CCDC91: variants seen among roughly 807,000 people sequenced by gnomAD.
CCDC91 encodes coiled-coil domain-containing protein 91.
In CCDC91, 48 loss-of-function variants were observed where a neutral mutation model predicts 63.2. That is an observed-to-expected ratio of 0.76 (90% CI 0.60 to 0.97). CCDC91 has a LOEUF of 0.97. Ranked by LOEUF, CCDC91 falls within the 50% of genes least tolerant of loss-of-function variation. The pLI is 0.00. For synonymous variants in CCDC91, 167 were observed against 165.8 expected (o/e 1.01, Z -0.06); for missense variants, 500 against 494.6 (o/e 1.01, Z -0.10).
intron 12 of CCDC91, among the ~76,000 whole-genome samples, chr12:28,499,498 C>A (rs1469645674): frequency 2.6e-5 from 4 of 151,908 alleles, no homozygotes; most frequent in African/African-American, 9.7e-5. Context: ...TAATGCTATC[C>A]TTCCCCTACC....
chr12:28,378,729 T>C (rs927061211), intron 7 of CCDC91, among the ~76,000 whole-genome samples: 1 of 152,112 alleles, frequency 6.6e-6, no homozygotes, highest in African/African-American at 2.4e-5. Context: ...AGATTTTTCC[T>C]GGACAAATAA....
chr12:28,525,986 A>G (rs1941223439), intron 12 of CCDC91, among the ~76,000 whole-genome samples: 1 of 152,036 alleles, frequency 6.6e-6, no homozygotes, highest in Non-Finnish European at 1.5e-5. Flanking sequence ...GTGTGAGTCC[A>G]TATGTGTTAG....
At chr12:28,308,834 G>C (rs1340622525) in intron 6 of CCDC91, among the ~76,000 whole-genome samples, 4 of 151,936 alleles carry the variant, frequency 2.6e-5, no homozygotes, top group Non-Finnish European at 2.9e-5. Flanking sequence ...CACTGTAATA[G>C]TCTCCTAAGT....
At chr12:28,545,417 C>CATAA (rs1311348847) in intron 12 of CCDC91, among the ~76,000 whole-genome samples, 1 of 151,996 alleles carries the variant, frequency 6.6e-6, no homozygotes, top group Non-Finnish European at 1.5e-5. Flanking sequence ...ATTCAACATC[C>CATAA]TTATAAGAGA....
chr12:28,503,519 G>C (rs544588735), intron 12 of CCDC91, among the ~76,000 whole-genome samples: 73 of 152,048 alleles, frequency 4.8e-4, no homozygotes, highest in African/African-American at 1.4e-3. Flanking sequence ...TTGTGGAAGT[G>C]AGTGTGGCGA....
chr12:28,430,141 G>A (rs1366494820), intron 8 of CCDC91, among the ~76,000 whole-genome samples: 1 of 151,930 alleles, frequency 6.6e-6, no homozygotes, highest in Non-Finnish European at 1.5e-5. Context: ...TTTCTAATAA[G>A]TGGGAAATGT....
intron 8 of CCDC91, among the ~76,000 whole-genome samples, chr12:28,425,113 A>T (rs530535082): frequency 6.6e-6 from 1 of 152,016 alleles, no homozygotes; most frequent in Non-Finnish European, 1.5e-5. Flanking sequence ...ACAGGGAAAA[A>T]CTACTCTCCC....
chr12:28,514,439 C>T (rs1354802438), intron 12 of CCDC91, among the ~76,000 whole-genome samples: 2 of 149,942 alleles, frequency 1.3e-5, no homozygotes, highest in Admixed American at 1.3e-4. Flanking sequence ...TTTTGCTGTG[C>T]AGAACCTCTT....
intron 12 of CCDC91, among the ~76,000 whole-genome samples, chr12:28,513,381 G>A (rs1490059574): frequency 6.6e-6 from 1 of 151,792 alleles, no homozygotes; most frequent in African/African-American, 2.4e-5. Flanking sequence ...TATACAAGTT[G>A]AGAATCCCCA....
chr12:28,254,928 C>A (rs1177378641), intron 1 of CCDC91, among the ~76,000 whole-genome samples: 2 of 151,968 alleles, frequency 1.3e-5, no homozygotes, highest in Admixed American at 1.3e-4. Flanking sequence ...TGTGCCACCA[C>A]ACCTGGCTAA....
chr12:28,240,974 C>G (rs943731654), intron 1 of CCDC91, among the ~76,000 whole-genome samples: 2 of 152,126 alleles, frequency 1.3e-5, no homozygotes, highest in African/African-American at 2.4e-5. Flanking sequence ...TACTGTTTTA[C>G]ATTCCCACCA....
In CCDC91 at chr12:28,491,962, GGT is replaced by G. The variant is rs56946212; in HGVS notation, c.1215+7816_1215+7817del. ...GTGTGTGCGTGTATGAAGGTGTTGG[GGT>G]GTGTGTGTGTGTGTGTGTCTGTTTG... On this transcript the variant is annotated intron_variant, in intron 12 of 12. Coordinates refer to ENST00000536442, the MANE Select transcript of CCDC91 (RefSeq NM_018318.5). Among the ~76,000 whole-genome samples, 133 of 146,752 alleles carry G rather than the reference GGT, an allele frequency of 9.1e-4. 2 individuals are homozygous for G. Among genetic ancestry groups the G allele is most frequent in the African/African-American group, 3.1e-3 (123 of 39,944 alleles).
chr12:28,431,464 AC>A (rs2140087979), intron 8 of CCDC91, among the ~76,000 whole-genome samples: 1 of 152,266 alleles, frequency 6.6e-6, no homozygotes, highest in Admixed American at 6.5e-5. Context: ...AGTGATGTCT[AC>A]TTTTGCCTAA....
chr12:28,364,675 A>G (rs1363657395), intron 7 of CCDC91, among the ~76,000 whole-genome samples: 1 of 152,134 alleles, frequency 6.6e-6, no homozygotes, highest in African/African-American at 2.4e-5. Context: ...TACAACGGTA[A>G]AAAGTAACAC....
intron 11 of CCDC91, among the ~76,000 whole-genome samples, chr12:28,469,920 C>T (rs183337795): frequency 6.6e-5 from 10 of 152,030 alleles, no homozygotes; most frequent in African/African-American, 2.2e-4. Context: ...CATCTCTTGC[C>T]GTATACAGAA....
chr12:28,523,139 C>T (rs1940898161), intron 12 of CCDC91, among the ~76,000 whole-genome samples: 1 of 152,182 alleles, frequency 6.6e-6, no homozygotes, highest in Admixed American at 6.6e-5. Flanking sequence ...TGTTAACTTT[C>T]TATCTCCTTG....
chr12:28,237,235 T>TAC (rs58134900), intron 1 of CCDC91, among the ~76,000 whole-genome samples: 7,362 of 143,088 alleles, frequency 0.051, 530 homozygotes, highest in African/African-American at 0.17. Flanking sequence ...GTATTACACA[T>TAC]ACACACACAC....
chr12:28,321,067 A>G (rs1049887731), intron 6 of CCDC91, among the ~76,000 whole-genome samples: 1 of 151,896 alleles, frequency 6.6e-6, no homozygotes, highest in African/African-American at 2.4e-5. Context: ...CAATGCAGAG[A>G]ATGGTGTCTT....
In CCDC91 at chr12:28,306,807, A is replaced by G; in HGVS notation, c.333A>G (p.Lys111=). The change falls in exon 5 of 13, where the codon AAA becomes AAG. Residue 111 remains lysine, a synonymous_variant. Transcript: ENST00000536442. ...TTCCATTGGGTTTAACTGATGAAAA[A>G]AGTAATGGAACAATTGCCCTTGTGG... The part of the protein sequence containing the change: ...SLFPLGLTDE[K]SNGTIALVDD... The G allele has an allele frequency of 1.2e-6, 2 of 1,612,370 alleles. No individual in the cohort carries two copies. Among genetic ancestry groups the G allele is most frequent in the Non-Finnish European group, 1.7e-6 (2 of 1,178,812 alleles).
Sources: gnomAD v4.1 joint callset for allele counts (sites outside exome capture counted in the v4.1 genomes callset) on GRCh38, gnomAD v4.1.1 for gene constraint, MANE v1.5 for transcripts, NCBI Gene and HGNC (gene_info 2026-07-23, HGNC 2026-07-21) for gene names.